Variants in F3 observed in about 807,000 individuals in gnomAD.
F3 encodes the protein coagulation factor III, tissue factor.
Under a neutral mutation model 33.5 loss-of-function variants are expected in F3, and 18 were observed. That is an observed-to-expected ratio of 0.54 (90% CI 0.37 to 0.80). F3 has a LOEUF of 0.80. Among genes scored for constraint, F3 ranks in the 30% least tolerant of loss-of-function variants. The pLI, the probability that F3 is intolerant of heterozygous loss-of-function variation, is 0.00. For missense variants in F3, 353 were observed against 362.1 expected (o/e 0.97, Z 0.20); for synonymous variants, 147 against 140.7 (o/e 1.05, Z -0.32).
At chr1:94,536,220 C>G (rs1361227239) in intron 2 of F3, 56 bp from the exon 3 acceptor site, 1 of 1,499,108 alleles carries the variant, frequency 6.7e-7, no homozygotes, top group Non-Finnish European at 9.2e-7. Flanking sequence ...TTGCACCCAA[C>G]AAGATAGACT....
At chr1:94,536,588 A>T (rs1452406219) in intron 2 of F3, among the ~76,000 whole-genome samples, 1 of 151,914 alleles carries the variant, frequency 6.6e-6, no homozygotes, top group African/African-American at 2.4e-5. Context: ...CAGCTATTTG[A>T]CTCTTGGATC....
Position 94,540,119 on chromosome 1 carries a change from C to T in F3, c.212+138G>A, listed in dbSNP as rs115770145. On this transcript the variant is annotated intron_variant, in intron 2 of 5. Transcript: ENST00000334047. ...CCTAATAGAGTATGACACCGGCCAG[C>T]GAATTGCCAAGAATCCCTTCTTCTT... The T allele has an allele frequency of 3.5e-3, 2,363 of 666,800 alleles. 52 individuals are homozygous for T. In the African/African-American group the frequency reaches 0.04, roughly 11 times the overall value. 41.3% of individuals were successfully genotyped at this position (666,800 alleles called of 1,614,324 possible).
At chr1:94,537,276 G>C (rs963027365) in intron 2 of F3, among the ~76,000 whole-genome samples, 1 of 152,302 alleles carries the variant, frequency 6.6e-6, no homozygotes, top group East Asian at 1.9e-4. Flanking sequence ...ACTGCAACTT[G>C]ATTCACACAC....
At chr1:94,530,647 T>C (rs1216907792) in intron 5 of F3, 51 bp from the exon 6 acceptor site, 1 of 1,607,794 alleles carries the variant, frequency 6.2e-7, no homozygotes, top group Non-Finnish European at 8.5e-7. Flanking sequence ...ATCCCATTTA[T>C]CAGTGGACAA....
chr1:94,536,306 G>C, intron 2 of F3, 142 bp from the exon 3 acceptor site: 1 of 733,928 alleles, frequency 1.4e-6, no homozygotes, highest in Admixed American at 2.5e-5. Context: ...ACTGTGCTGA[G>C]CACTTTGCTT....
chr1:94,537,518 C>A (rs1004665564), intron 2 of F3, among the ~76,000 whole-genome samples: 3 of 152,286 alleles, frequency 2.0e-5, no homozygotes, highest in Admixed American at 2.0e-4. Context: ...CCCTTGTGTG[C>A]CCCCATTAAG....
intron 1 of F3, chr1:94,540,994 G>C (rs1458128391): frequency 6.5e-6 from 1 of 152,846 alleles, no homozygotes; most frequent in African/African-American, 2.4e-5. Flanking sequence ...GTAGAAATAC[G>C]GGGCATGCAC....
rs745458377 is a variant in F3 at position 94,540,243 on chromosome 1, T to G, written c.212+14A>C. On this transcript the variant is annotated intron_variant, in intron 2 of 5. Coordinates refer to ENST00000334047, the MANE Select transcript of F3 (RefSeq NM_001993.5). ...ATCAAAGACCTTAATTTTCTTTTTC[T>G]GTACCCAGCTTACCTTATTTGAACA... 41 of 1,555,786 alleles carry G rather than the reference T, an allele frequency of 2.6e-5. No individual in the cohort carries two copies. The Admixed American group carries it at 6.9e-4, about 26-fold the overall frequency.
chr1:94,538,794 C>A (rs1021576730), intron 2 of F3, among the ~76,000 whole-genome samples: 2 of 152,102 alleles, frequency 1.3e-5, no homozygotes, highest in African/African-American at 4.8e-5. Flanking sequence ...CACCTCAGGC[C>A]GAGGCTGATG....
chr1:94,535,717 A>G (rs943050052), intron 3 of F3, among the ~76,000 whole-genome samples: 10 of 152,010 alleles, frequency 6.6e-5, no homozygotes, highest in African/African-American at 2.4e-4. Context: ...GTTACTGAGG[A>G]CAGTAACAGG....
At chr1:94,530,917 TA>T (rs1437990778) in intron 5 of F3, among the ~76,000 whole-genome samples, 1 of 152,170 alleles carries the variant, frequency 6.6e-6, no homozygotes, top group East Asian at 1.9e-4. Flanking sequence ...GCAATGATTA[TA>T]ACGGAAGGTG....
chr1:94,532,345 CCATA>C lies in F3; in HGVS notation c.723_726del (p.Cys241TrpfsTer51). ...CCTCTGAATTCCCCTTTCTCCTGGC[CCATA>C]CACTCTACCGGGCTGTCTGTACTCT... On this transcript the variant is annotated frameshift_variant, in exon 5 of 6. Coordinates refer to ENST00000334047, the MANE Select transcript of F3 (RefSeq NM_001993.5). LOFTEE classifies it high-confidence loss of function. 1 of 1,614,160 alleles carries C rather than the reference CCATA, an allele frequency of 6.2e-7. No individual in the cohort carries two copies.
intron 3 of F3, 80 bp from the exon 4 acceptor site, chr1:94,533,348 A>G: frequency 6.7e-7 from 1 of 1,503,382 alleles, no homozygotes; most frequent in East Asian, 2.3e-5. Flanking sequence ...CACAATTGAC[A>G]ACTTAATTAT....
chr1:94,540,585 G>A (rs1651742181), intron 1 of F3: 3 of 492,100 alleles, frequency 6.1e-6, no homozygotes, highest in Non-Finnish European at 1.1e-5. Context: ...GTAATCCCAG[G>A]ACACCGGCAA....
chr1:94,537,636 A>T (rs537222440), intron 2 of F3, among the ~76,000 whole-genome samples: 2 of 152,330 alleles, frequency 1.3e-5, no homozygotes, highest in South Asian at 4.1e-4. Context: ...CATTGTCTAA[A>T]TTCACACATA....
chr1:94,535,836 G>T, intron 3 of F3, 129 bp downstream of exon 3: 2 of 833,374 alleles, frequency 2.4e-6, no homozygotes, highest in South Asian at 1.7e-5. Context: ...AGAGGGCTGT[G>T]ATACATACCA....
At chr1:94,537,994 CCA>C (rs752629466) in intron 2 of F3, among the ~76,000 whole-genome samples, 1 of 152,136 alleles carries the variant, frequency 6.6e-6, no homozygotes, top group Non-Finnish European at 1.5e-5. Context: ...ACAGCAGGGA[CCA>C]CATACTCTAT....
At position 94,529,580 on chromosome 1, in the gene F3, T is replaced by C. The variant is rs1651351582; in HGVS notation, c.*880A>G. The C allele has an allele frequency of 6.6e-6, 1 of 152,558 alleles. No individual in the cohort carries two copies. Among genetic ancestry groups the C allele is most frequent in the Admixed American group, 6.5e-5 (1 of 15,274 alleles). 9.5% of individuals were successfully genotyped at this position (152,558 alleles called of 1,614,324 possible). A position where few individuals can be genotyped will look rare whatever the true frequency, so the allele number is the denominator to read the frequency against. On this transcript the variant is annotated 3_prime_UTR_variant, in exon 6 of 6. Coordinates refer to ENST00000334047, the MANE Select transcript of F3 (RefSeq NM_001993.5). The stretch of plus-strand genomic sequence containing the variant: ...TTAAAGTGCAGATTGTAAAGCATAT[T>C]AGGAAGGTGCCCAGAATACCAATGT...
intron 5 of F3, among the ~76,000 whole-genome samples, chr1:94,531,703 G>T (rs1385745264): frequency 6.6e-6 from 1 of 152,172 alleles, no homozygotes; most frequent in Non-Finnish European, 1.5e-5. Context: ...GCAGCTTCCT[G>T]CAAGAGTCTG....
Sources: allele counts gnomAD v4.1 joint callset (sites outside exome capture counted in the v4.1 genomes callset), GRCh38; gene constraint gnomAD v4.1.1; transcripts MANE v1.5; gene names NCBI Gene and HGNC (gene_info 2026-07-23, HGNC 2026-07-21).